TBC1D30: variants seen among roughly 807,000 people sequenced by gnomAD.
TBC1D30 encodes TBC1 domain family, member 30.
In TBC1D30, 31 loss-of-function variants were observed where a neutral mutation model predicts 63.2. The ratio of observed to expected loss-of-function variants is 0.49; its 90% CI spans 0.37 to 0.66. The LOEUF (loss-of-function observed/expected upper bound fraction) is 0.66. Ranked by LOEUF, TBC1D30 falls within the 30% of genes least tolerant of loss-of-function variation. The probability of loss-of-function intolerance (pLI) is 0.00; values close to 1 mark genes in which losing one functional copy is unlikely to be tolerated. For synonymous variants in TBC1D30, 307 were observed against 361.5 expected, an observed-to-expected ratio of 0.85 and a Z score of 1.71; for missense variants, 810 against 953.6, an observed-to-expected ratio of 0.85 and a Z score of 1.98.
intron 2 of TBC1D30, among the ~76,000 whole-genome samples, chr12:64,814,896 A>G (rs979289238): frequency 6.6e-6 from 1 of 152,222 alleles, no homozygotes; most frequent in African/African-American, 2.4e-5. Context: ...GTGGATTCTT[A>G]TATATTTATG....
At chr12:64,838,990 C>A in intron 7 of TBC1D30, 139 bp downstream of exon 7, 1 of 824,518 alleles carries the variant, frequency 1.2e-6, no homozygotes, top group South Asian at 1.9e-5. Context: ...CCTGAAATCT[C>A]AGCAGGCTCA....
At chr12:64,840,027 A>AAAAAAAAAAAAAAAAAAAAAAAAAC (rs1555171793) in intron 7 of TBC1D30, among the ~76,000 whole-genome samples, 25 of 145,888 alleles carry the variant, frequency 1.7e-4, no homozygotes, top group African/African-American at 6.2e-4. Flanking sequence ...AAAAAAAAAA[A>AAAAAAAAAAAAAAAAAAAAAAAAAC]ATCCACCAAC....
intron 1 of TBC1D30, among the ~76,000 whole-genome samples, chr12:64,773,317 C>A (rs905622655): frequency 2.0e-5 from 3 of 152,146 alleles, no homozygotes; most frequent in African/African-American, 7.2e-5. Flanking sequence ...TGTTCTCTGG[C>A]CAACAGAGAT....
chr12:64,875,635 T>G lies in TBC1D30; in HGVS notation c.2133T>G (p.Pro711=), dbSNP rs1879009288. Residue 711 remains proline, a synonymous_variant, in exon 12 of 12, where the codon CCT becomes CCG. Transcript: ENST00000539867. The part of the protein sequence containing the change: ...GSNSKTPIFS[P]FPSVKPLRKS... ...ACTCAAAAACCCCCATCTTTAGCCC[T>G]TTTCCCAGCGTCAAGCCCCTGCGGA... The G allele has an allele frequency of 1.1e-5, 17 of 1,536,208 alleles. No homozygotes were observed. Among genetic ancestry groups the G allele is most frequent in the Middle Eastern group, 1.7e-4 (1 of 5,990 alleles).
intron 1 of TBC1D30, among the ~76,000 whole-genome samples, chr12:64,783,538 A>G (rs1287741227): frequency 1.3e-5 from 2 of 152,118 alleles, no homozygotes; most frequent in Non-Finnish European, 1.5e-5. Context: ...TCAGTTATTT[A>G]ACACTGTGTA....
At chr12:64,863,638 C>CA (rs1010920536) in intron 8 of TBC1D30, among the ~76,000 whole-genome samples, 3 of 152,154 alleles carry the variant, frequency 2.0e-5, no homozygotes, top group African/African-American at 4.8e-5. Context: ...CATCTGGGGA[C>CA]AGTCAGATGT....
In TBC1D30 at chr12:64,875,673, C is replaced by T; in HGVS notation, c.2171C>T (p.Ala724Val). 2 of 1,536,446 alleles carry T rather than the reference C, an allele frequency of 1.3e-6. No individual in the cohort carries two copies. Among genetic ancestry groups the T allele is most frequent in the Non-Finnish European group, 1.7e-6 (2 of 1,146,978 alleles). ...SVKPLRKSAT[A>V]RNLGLYGPTE... ...AAGCCCCTGCGGAAATCTGCTACTG[C>T]CAGGAACTTGGGATTATATGGCCCT... The change falls in exon 12 of 12, where the codon GCC becomes GTC. Residue 724 changes from alanine (A) to valine (V), a missense_variant. Ala to Val is a moderately conservative substitution (Grantham distance 64). Transcript: ENST00000539867.
chr12:64,850,690 G>C (rs1876789696), intron 8 of TBC1D30, among the ~76,000 whole-genome samples: 1 of 152,068 alleles, frequency 6.6e-6, no homozygotes, highest in East Asian at 1.9e-4. Flanking sequence ...ATTTTATTGA[G>C]GATTTTTGCA....
chr12:64,801,614 A>T (rs1248962287), intron 2 of TBC1D30, among the ~76,000 whole-genome samples: 2 of 152,166 alleles, frequency 1.3e-5, no homozygotes, highest in African/African-American at 4.8e-5. Context: ...ACAGGGCACT[A>T]GTGTATGTGG....
intron 1 of TBC1D30, among the ~76,000 whole-genome samples, chr12:64,783,031 C>G (rs531819785): frequency 1.3e-5 from 2 of 152,270 alleles, no homozygotes; most frequent in African/African-American, 4.8e-5. Flanking sequence ...GTTATTTGAT[C>G]TTTTTCTCAG....
chr12:64,857,761 C>T (rs913549227), intron 8 of TBC1D30, among the ~76,000 whole-genome samples: 12 of 152,238 alleles, frequency 7.9e-5, no homozygotes, highest in African/African-American at 2.4e-4. Context: ...CTGAGGAACT[C>T]GAGTTCCAAC....
At chr12:64,801,728 T>C (rs983645026) in intron 2 of TBC1D30, among the ~76,000 whole-genome samples, 1 of 152,106 alleles carries the variant, frequency 6.6e-6, no homozygotes, top group Non-Finnish European at 1.5e-5. Context: ...GAGGAGGGAA[T>C]AGAGAAAATT....
rs1022792657 is a variant in TBC1D30 at position 64,875,206 on chromosome 12, C to T, written c.1704C>T (p.His568=). The T allele has an allele frequency of 2.0e-5, 30 of 1,536,390 alleles. No homozygotes were observed. Among genetic ancestry groups the T allele is most frequent in the South Asian group, 5.9e-5 (5 of 84,054 alleles). The change falls in exon 12 of 12, where the codon CAC becomes CAT. Residue 568 remains histidine (H), a synonymous_variant. Transcript: ENST00000539867. ...KTKLNSPWRT[H]IRVHKKNMPR... Reference sequence around the variant, plus strand: ...AGCTCAACTCCCCGTGGCGAACTCACATCCGAGTCCACAAAAAGAACATGC... The same window carrying T: ...AGCTCAACTCCCCGTGGCGAACTCATATCCGAGTCCACAAAAAGAACATGC...
At chr12:64,818,833 G>A (rs563094869) in intron 2 of TBC1D30, 6 of 152,080 alleles carry the variant, frequency 3.9e-5, no homozygotes, top group Non-Finnish European at 7.3e-5. Flanking sequence ...TCTGATTAAT[G>A]ATTTTTTTCA....
chr12:64,780,604 C>T (rs1483681007), exon 1 of TBC1D30, among the ~76,000 whole-genome samples: 1 of 152,200 alleles, frequency 6.6e-6, no homozygotes, highest in African/African-American at 2.4e-5. Flanking sequence ...GCGTGGCAGT[C>T]TCCTTCTCGC....
At chr12:64,836,920 G>A (rs529199327) in intron 6 of TBC1D30, among the ~76,000 whole-genome samples, 33 of 152,270 alleles carry the variant, frequency 2.2e-4, no homozygotes, top group Admixed American at 3.3e-4. Context: ...ATGTACTCTG[G>A]ATGGAATACC....
Position 64,866,810 on chromosome 12 carries a change from G to T in TBC1D30, c.1198G>T (p.Asp400Tyr). 2.6e-6 allele frequency: 4 copies of T among 1,536,560 alleles called. No individual in the cohort carries two copies. Among genetic ancestry groups the T allele is most frequent in the Non-Finnish European group, 3.5e-6 (4 of 1,147,016 alleles). The change falls in exon 10 of 12, where the codon GAT becomes TAT. Residue 400 changes from aspartate to tyrosine, a missense_variant. By Grantham distance (160) the Asp-to-Tyr change is radical. Transcript: ENST00000539867. Reference protein sequence around the residue: ...RDSDEENDPDDEDAVVNAVGC... With the variant: ...RDSDEENDPDYEDAVVNAVGC... ...CAGTGATGAAGAGAATGACCCAGAC[G>T]ATGAGGATGCTGTCGTTAATGCAGT...
chr12:64,793,667 A>C (rs1049889928), intron 2 of TBC1D30, among the ~76,000 whole-genome samples: 1 of 152,176 alleles, frequency 6.6e-6, no homozygotes, highest in African/African-American at 2.4e-5. Flanking sequence ...TCTCTAAAAA[A>C]CAAAAACACA....
At chr12:64,798,684 G>T (rs961716068) in intron 2 of TBC1D30, among the ~76,000 whole-genome samples, 5 of 152,132 alleles carry the variant, frequency 3.3e-5, no homozygotes, top group Admixed American at 2.0e-4. Context: ...TGGAATGGGA[G>T]CTCAGAGTGT....
Sources: gnomAD v4.1 joint callset for allele counts (sites outside exome capture counted in the v4.1 genomes callset) on GRCh38, gnomAD v4.1.1 for gene constraint, MANE v1.5 for transcripts, NCBI Gene and HGNC (gene_info 2026-07-23, HGNC 2026-07-21) for gene names.